Variants in RAPGEF2 observed in about 807,000 individuals in gnomAD.
RAPGEF2 encodes Rap guanine nucleotide exchange factor 2.
Under a neutral mutation model 186.7 loss-of-function variants are expected in RAPGEF2, and 54 were observed. The observed-to-expected ratio is 0.29, with a 90% confidence interval of 0.23 to 0.36. RAPGEF2 has a LOEUF of 0.36. Among genes scored for constraint, RAPGEF2 ranks in the 10% least tolerant of loss-of-function variants. RAPGEF2 has a pLI of 1.00. For synonymous variants in RAPGEF2, 712 were observed against 705.9 expected, an observed-to-expected ratio of 1.01 and a Z score of -0.14; for missense variants, 1,532 against 2,045.0, an observed-to-expected ratio of 0.75 and a Z score of 4.84.
At chr4:159,134,581 T>C (rs773868321) in intron 1 of RAPGEF2, among the ~76,000 whole-genome samples, 35 of 152,226 alleles carry the variant, frequency 2.3e-4, no homozygotes, top group Non-Finnish European at 4.1e-4. Flanking sequence ...CTATATTGTA[T>C]TTTATTTCTG....
At chr4:159,336,267 A>G (rs1767403351) in intron 17 of RAPGEF2, among the ~76,000 whole-genome samples, 1 of 151,936 alleles carries the variant, frequency 6.6e-6, no homozygotes, top group African/African-American at 2.4e-5. Context: ...TGCACCCATC[A>G]CCCAAGTAGT....
chr4:159,256,984 G>T (rs949844687), intron 7 of RAPGEF2, among the ~76,000 whole-genome samples: 1 of 152,092 alleles, frequency 6.6e-6, no homozygotes, highest in South Asian at 2.1e-4. Context: ...CTCCCATTCT[G>T]TAGGTTGTCT....
rs1052434965 is a variant in RAPGEF2 at position 159,332,364 on chromosome 4, A to T, written c.1889-87A>T. On this transcript the variant is annotated intron_variant, in intron 16 of 29. Transcript: ENST00000691494. The stretch of plus-strand genomic sequence containing the variant: ...GATAACTGAAGTCTGTACTTCTCAT[A>T]TATTTCCAAGTTCCACAATTGCCTT... 12 of 1,382,492 alleles carry T rather than the reference A, an allele frequency of 8.7e-6. No individual in the cohort carries two copies. The African/African-American group carries it at 1.6e-4, about 18-fold the overall frequency. The allele number at this position is 1,382,492 out of a possible 1,614,324, so 85.6% of individuals were successfully genotyped here.
At chr4:159,129,108 C>T (rs956504058) in intron 1 of RAPGEF2, among the ~76,000 whole-genome samples, 42 of 151,668 alleles carry the variant, frequency 2.8e-4, no homozygotes, top group African/African-American at 1.0e-3. Context: ...TGATCTTAGA[C>T]ATGGAGGCAG....
intron 4 of RAPGEF2, among the ~76,000 whole-genome samples, chr4:159,212,354 T>C (rs577041253): frequency 6.6e-6 from 1 of 152,236 alleles, no homozygotes; most frequent in Non-Finnish European, 1.5e-5. Context: ...AGCATTGGCA[T>C]ATTTTAAAAA....
At chr4:159,316,509 C>G (rs921832567) in intron 9 of RAPGEF2, among the ~76,000 whole-genome samples, 1 of 152,082 alleles carries the variant, frequency 6.6e-6, no homozygotes, top group Non-Finnish European at 1.5e-5. Context: ...TGTTGTTCCC[C>G]TCTGTGTGTT....
chr4:159,247,290 A>C (rs965018409), intron 7 of RAPGEF2, among the ~76,000 whole-genome samples: 6 of 152,212 alleles, frequency 3.9e-5, no homozygotes, highest in Non-Finnish European at 7.3e-5. Flanking sequence ...ACAACACAGG[A>C]GAATCTGCCT....
At chr4:159,210,223 A>G (rs549817266) in intron 3 of RAPGEF2, among the ~76,000 whole-genome samples, 1 of 152,342 alleles carries the variant, frequency 6.6e-6, no homozygotes, top group South Asian at 2.1e-4. Flanking sequence ...TCATGTTCAA[A>G]AAAAGTAAAA....
At chr4:159,294,509 A>G (rs1255142174) in intron 7 of RAPGEF2, among the ~76,000 whole-genome samples, 1 of 152,182 alleles carries the variant, frequency 6.6e-6, no homozygotes, top group Non-Finnish European at 1.5e-5. Context: ...CAGTATTTCT[A>G]TATTAATTAG....
intron 3 of RAPGEF2, among the ~76,000 whole-genome samples, chr4:159,209,065 T>C (rs1750246466): frequency 6.6e-6 from 1 of 151,900 alleles, no homozygotes; most frequent in South Asian, 2.1e-4. Context: ...AATTTTTTTG[T>C]ATTTTTAGTA....
chr4:159,105,506 A>T (rs533300393), intron 1 of RAPGEF2, among the ~76,000 whole-genome samples: 5 of 152,320 alleles, frequency 3.3e-5, no homozygotes, highest in Non-Finnish European at 7.4e-5. Flanking sequence ...CTGGGAGATC[A>T]TGGATAGATT....
chr4:159,307,165 C>T (rs182587939), intron 8 of RAPGEF2, among the ~76,000 whole-genome samples: 648 of 152,014 alleles, frequency 4.3e-3, no homozygotes, highest in African/African-American at 0.014. Context: ...ATGAAATAAC[C>T]GTAAAAATAA....
At chr4:159,262,809 C>G (rs1490745688) in intron 7 of RAPGEF2, among the ~76,000 whole-genome samples, 1 of 149,154 alleles carries the variant, frequency 6.7e-6, no homozygotes, top group Non-Finnish European at 1.5e-5. Context: ...GCCACATAAA[C>G]AGTTTGCCGT....
chr4:159,185,153 AAGAG>A (rs1182745536), intron 1 of RAPGEF2, among the ~76,000 whole-genome samples: 3 of 152,214 alleles, frequency 2.0e-5, no homozygotes, highest in African/African-American at 7.2e-5. Flanking sequence ...TTAAAATAAA[AAGAG>A]AGACAGTAAC....
At chr4:159,121,931 G>A (rs1237345480) in intron 1 of RAPGEF2, among the ~76,000 whole-genome samples, 3 of 150,376 alleles carry the variant, frequency 2.0e-5, no homozygotes, top group Non-Finnish European at 3.0e-5. Flanking sequence ...CCAGCTACTC[G>A]GGAGGCTGAG....
At chr4:159,181,127 G>C (rs1746966770) in intron 1 of RAPGEF2, among the ~76,000 whole-genome samples, 1 of 152,176 alleles carries the variant, frequency 6.6e-6, no homozygotes, top group South Asian at 2.1e-4. Flanking sequence ...ATGTTGAAAA[G>C]CAACAGATTA....
intron 19 of RAPGEF2, 139 bp from the exon 20 acceptor site, chr4:159,341,425 G>A: frequency 1.2e-6 from 1 of 846,932 alleles, no homozygotes; most frequent in South Asian, 1.9e-5. Flanking sequence ...TGTGCTGTCT[G>A]TCTTGGTTAA....
chr4:159,295,754 TGCGCGCGCGC>T (rs66478721), intron 7 of RAPGEF2, among the ~76,000 whole-genome samples: 8,086 of 113,878 alleles, frequency 0.071, 788 homozygotes, highest in African/African-American at 0.22. Flanking sequence ...TGTGTGTGTG[TGCGCGCGCGC>T]GCGCGCGCGC....
At chr4:159,235,395 C>T (rs962587627) in intron 4 of RAPGEF2, among the ~76,000 whole-genome samples, 6 of 152,154 alleles carry the variant, frequency 3.9e-5, no homozygotes, top group Non-Finnish European at 5.9e-5. Context: ...ATGTTAAATG[C>T]TCTGTGCATT....
Sources: allele counts gnomAD v4.1 joint callset (sites outside exome capture counted in the v4.1 genomes callset), GRCh38; gene constraint gnomAD v4.1.1; transcripts MANE v1.5; gene names NCBI Gene and HGNC (gene_info 2026-07-23, HGNC 2026-07-21).